Variants in ATPAF2 observed in about 807,000 individuals in gnomAD.
ATPAF2 encodes the protein ATP12 homolog.
In ATPAF2, 30 loss-of-function variants were observed where a neutral mutation model predicts 36.6. The observed-to-expected ratio is 0.82, with a 90% confidence interval of 0.61 to 1.11. ATPAF2 has a LOEUF of 1.11. Among genes scored for constraint, ATPAF2 ranks in the 50% most tolerant of loss-of-function variants. The probability of loss-of-function intolerance (pLI) is 0.00; values close to 1 mark genes in which losing one functional copy is unlikely to be tolerated. For synonymous variants in ATPAF2, 140 were observed against 152.6 expected (o/e 0.92, Z 0.61); for missense variants, 321 against 372.3 (o/e 0.86, Z 1.13).
chr17:18,030,697 T>A (rs2044617983), intron 1 of ATPAF2, among the ~76,000 whole-genome samples: 1 of 146,300 alleles, frequency 6.8e-6, no homozygotes, highest in Admixed American at 6.8e-5. Flanking sequence ...AGATGGAGTC[T>A]CACTCTGTTG....
chr17:18,016,293 G>T, downstream of ATPAF2: 1 of 1,278,404 alleles, frequency 7.8e-7, no homozygotes, highest in Admixed American at 2.0e-5. Flanking sequence ...ATTAAGGAAT[G>T]AAATGAAGGA....
chr17:18,037,004 G>C (rs2044712357), intron 1 of ATPAF2, among the ~76,000 whole-genome samples: 3 of 152,196 alleles, frequency 2.0e-5, no homozygotes, highest in Non-Finnish European at 4.4e-5. Flanking sequence ...CTGGGAGGTA[G>C]AGGTTGCAGT....
chr17:18,037,883 G>C (rs2044726604), intron 1 of ATPAF2, among the ~76,000 whole-genome samples: 1 of 152,080 alleles, frequency 6.6e-6, no homozygotes, highest in Admixed American at 6.5e-5. Flanking sequence ...CCACCTTTTT[G>C]CTGAACTCCT....
intron 1 of ATPAF2, among the ~76,000 whole-genome samples, chr17:18,032,836 ATTTT>A (rs562389150): frequency 7.1e-6 from 1 of 139,886 alleles, no homozygotes; most frequent in African/African-American, 2.6e-5. Context: ...GATTGATTCA[ATTTT>A]TTTTTTTTTT....
At chr17:18,024,576 C>G in intron 5 of ATPAF2, 48 bp downstream of exon 5, 2 of 1,536,136 alleles carry the variant, frequency 1.3e-6, no homozygotes, top group Non-Finnish European at 1.8e-6. Context: ...TACACTCCAC[C>G]AAACGCAGGT....
At chr17:18,038,157 G>C (rs1161434484) in intron 1 of ATPAF2, among the ~76,000 whole-genome samples, 1 of 152,138 alleles carries the variant, frequency 6.6e-6, no homozygotes, top group Admixed American at 6.5e-5. Flanking sequence ...AAAGACAACC[G>C]TGCCTCCTGC....
intron 4 of ATPAF2, chr17:18,025,190 A>C: frequency 3.8e-6 from 1 of 260,722 alleles, no homozygotes; most frequent in South Asian, 4.3e-5. Flanking sequence ...CACCCCCTCC[A>C]AGAGACTGTG....
chr17:18,019,165 A>ACACACG (rs2044430340), intron 7 of ATPAF2, among the ~76,000 whole-genome samples: 1 of 150,842 alleles, frequency 6.6e-6, no homozygotes, highest in African/African-American at 2.4e-5. Context: ...ACACACACAC[A>ACACACG]CACACACACA....
intron 1 of ATPAF2, among the ~76,000 whole-genome samples, chr17:18,030,670 T>C (rs998923302): frequency 9.5e-5 from 13 of 136,448 alleles, no homozygotes; most frequent in Admixed American, 1.5e-4. Flanking sequence ...TTTCTTTTTC[T>C]TTTTTTTTTT....
rs1364078081 is a variant in ATPAF2 at position 18,021,145 on chromosome 17, G to C, written c.710C>G (p.Ser237Ter). The change falls in exon 7 of 8, where the codon TCA becomes TGA. Residue 237 changes from serine to a stop codon, truncating the protein, a stop_gained. Transcript: ENST00000474627. LOFTEE classifies it high-confidence loss of function. Reference protein sequence around the residue: ...RLTVEQAVLLSRLEEEYQIQK... With the variant: ...RLTVEQAVLL ...CACCTGGTACTCCTCCTCCAGGCGTGACAGCAGCACGGCCTGCTCCACTGT... is the reference window on the plus strand; with the variant it reads ...CACCTGGTACTCCTCCTCCAGGCGTCACAGCAGCACGGCCTGCTCCACTGT... 6.2e-7 allele frequency: 1 copy of C among 1,613,710 alleles called. No individual in the cohort carries two copies. Among genetic ancestry groups the C allele is most frequent in the Non-Finnish European group, 8.5e-7 (1 of 1,179,930 alleles).
chr17:18,016,327 A>C, downstream of ATPAF2: 1 of 1,078,690 alleles, frequency 9.3e-7, no homozygotes, highest in South Asian at 1.5e-5. Flanking sequence ...AGGATTATAG[A>C]ATTCCACACT....
At chr17:18,021,664 C>G in intron 6 of ATPAF2, 81 bp downstream of exon 6, 2 of 1,239,462 alleles carry the variant, frequency 1.6e-6, no homozygotes, top group Non-Finnish European at 2.4e-6. Context: ...CTCACAGGAC[C>G]TGGGGAGGGG....
intron 1 of ATPAF2, among the ~76,000 whole-genome samples, chr17:18,030,830 CT>C (rs34365252): frequency 0.23 from 18,681 of 80,148 alleles, 2,140 homozygotes; most frequent in East Asian, 0.71. Context: ...CCACGCCTGG[CT>C]TTTTTTTTTT....
At chr17:18,025,086 A>G (rs749982060) in intron 4 of ATPAF2, 15 of 346,140 alleles carry the variant, frequency 4.3e-5, no homozygotes, top group Non-Finnish European at 7.3e-5. Context: ...AAGCAGATCC[A>G]ATCTACTAAC....
intron 7 of ATPAF2, 124 bp from the exon 8 acceptor site, chr17:18,018,810 T>C (rs1291380757): frequency 8.5e-6 from 12 of 1,405,944 alleles, no homozygotes; most frequent in African/African-American, 1.4e-5. Flanking sequence ...CCAAAACACA[T>C]GAGACATGCC....
At chr17:18,031,602 A>C (rs575522841) in intron 1 of ATPAF2, among the ~76,000 whole-genome samples, 2 of 151,968 alleles carry the variant, frequency 1.3e-5, no homozygotes, top group East Asian at 3.9e-4. Context: ...AACACAGTGA[A>C]ACCCCATCTC....
chr17:18,015,874 G>A, downstream of ATPAF2: 1 of 616,766 alleles, frequency 1.6e-6, no homozygotes, highest in Non-Finnish European at 2.8e-6. Flanking sequence ...GCCCTGTGCA[G>A]TTGGGGAAGC....
chr17:18,016,269 T>A, downstream of ATPAF2: 1 of 1,472,814 alleles, frequency 6.8e-7, no homozygotes, highest in Non-Finnish European at 9.4e-7. Context: ...CCCTAGGTAG[T>A]GGATAGAATT....
At chr17:18,017,590 G>C (rs1349037682), downstream of ATPAF2, among the ~76,000 whole-genome samples, 1 of 152,154 alleles carries the variant, frequency 6.6e-6, no homozygotes, top group Non-Finnish European at 1.5e-5. Flanking sequence ...CGCAGCCCTG[G>C]TGTCATCTGT....
Sources: gnomAD v4.1 joint callset for allele counts (sites outside exome capture counted in the v4.1 genomes callset) on GRCh38, gnomAD v4.1.1 for gene constraint, MANE v1.5 for transcripts, NCBI Gene and HGNC (gene_info 2026-07-23, HGNC 2026-07-21) for gene names.